LRP1B: variants seen among roughly 807,000 people sequenced by gnomAD.
LRP1B encodes the protein LDL receptor related protein 1B.
In LRP1B, 217 loss-of-function variants were observed where a neutral mutation model predicts 556.6. The ratio of observed to expected loss-of-function variants is 0.39; its 90% confidence interval spans 0.35 to 0.44. The LOEUF (loss-of-function observed/expected upper bound fraction) is 0.44, where lower values mean the gene tolerates loss of function less well. Ranked by LOEUF, LRP1B falls within the 20% of genes least tolerant of loss-of-function variation. LRP1B has a pLI of 1.00. For synonymous variants in LRP1B, 2,047 were observed against 1,865.8 expected, an observed-to-expected ratio of 1.10 and a Z score of -2.50; for missense variants, 5,053 against 5,620.8, an observed-to-expected ratio of 0.90 and a Z score of 3.23.
intron 2 of LRP1B, among the ~76,000 whole-genome samples, chr2:141,653,914 A>G (rs1433456422): frequency 6.6e-6 from 1 of 152,206 alleles, no homozygotes; most frequent in African/African-American, 2.4e-5. Context: ...TCTCTTAAGA[A>G]TCTTTGCTAC....
intron 41 of LRP1B, among the ~76,000 whole-genome samples, chr2:140,651,432 G>C (rs1684680617): frequency 6.8e-6 from 1 of 146,938 alleles, no homozygotes; most frequent in Admixed American, 6.9e-5. Flanking sequence ...CAGCGCACCA[G>C]CATGGCACAT....
chr2:141,547,583 C>A (rs752530017), intron 2 of LRP1B, among the ~76,000 whole-genome samples: 3 of 152,132 alleles, frequency 2.0e-5, no homozygotes, highest in Non-Finnish European at 4.4e-5. Context: ...CACCAGTCCA[C>A]TTTTCACTCC....
At chr2:141,511,044 G>T (rs574923392) in intron 2 of LRP1B, among the ~76,000 whole-genome samples, 2 of 152,152 alleles carry the variant, frequency 1.3e-5, no homozygotes, top group East Asian at 1.9e-4. Flanking sequence ...AGGTAATAAG[G>T]TTAGAGTAGC....
chr2:141,406,985 A>G lies in LRP1B; in HGVS notation c.343+73411T>C, dbSNP rs78730870. Among the ~76,000 whole-genome samples, 538 of 152,298 alleles carry G rather than the reference A, an allele frequency of 3.5e-3. 5 individuals are homozygous for G. Among genetic ancestry groups the G allele is most frequent in the African/African-American group, 0.013 (520 of 41,576 alleles). On this transcript the variant is annotated intron_variant, in intron 3 of 90. Transcript: ENST00000389484. Reference sequence around the variant, plus strand: ...AGATAAAGCATTTTAAGGGCATTTTAGAGAAATCTTTTTCAAAAAGGATCA... The same window carrying G: ...AGATAAAGCATTTTAAGGGCATTTTGGAGAAATCTTTTTCAAAAAGGATCA...
chr2:141,216,147 G>A (rs552361696), intron 6 of LRP1B, among the ~76,000 whole-genome samples: 5 of 152,246 alleles, frequency 3.3e-5, no homozygotes, highest in Admixed American at 3.3e-4. Flanking sequence ...CACAGCCTCA[G>A]GGCACTGCTT....
intron 7 of LRP1B, among the ~76,000 whole-genome samples, chr2:141,097,401 G>A (rs1240846793): frequency 1.3e-5 from 2 of 152,112 alleles, no homozygotes; most frequent in Non-Finnish European, 2.9e-5. Context: ...GCAAGTATCT[G>A]TGAACGGATG....
intron 31 of LRP1B, among the ~76,000 whole-genome samples, chr2:140,826,201 TAG>T (rs1192584621): frequency 2.6e-5 from 4 of 152,130 alleles, no homozygotes; most frequent in Admixed American, 2.0e-4. Flanking sequence ...AACATATATG[TAG>T]GTATACATAT....
intron 6 of LRP1B, among the ~76,000 whole-genome samples, chr2:141,219,141 T>A (rs1398748746): frequency 2.0e-5 from 3 of 152,188 alleles, no homozygotes; most frequent in Non-Finnish European, 2.9e-5. Flanking sequence ...AACTGAGAGC[T>A]GTGCAATCCA....
chr2:141,413,921 CAGAAG>C (rs1690961663), intron 3 of LRP1B, among the ~76,000 whole-genome samples: 1 of 146,738 alleles, frequency 6.8e-6, no homozygotes, highest in South Asian at 2.2e-4. Flanking sequence ...GAGAAGAGAA[CAGAAG>C]AGAAGAGAAA....
chr2:140,252,287 G>A (rs1681472264), intron 86 of LRP1B, among the ~76,000 whole-genome samples: 1 of 151,448 alleles, frequency 6.6e-6, no homozygotes, highest in African/African-American at 2.4e-5. Flanking sequence ...TTTATAACAT[G>A]CTTCAAAAAT....
intron 3 of LRP1B, 125 bp downstream of exon 3, chr2:141,480,271 T>C: frequency 9.3e-7 from 1 of 1,078,814 alleles, no homozygotes; most frequent in Non-Finnish European, 1.4e-6. Context: ...GCAGTAAAAT[T>C]CATGCTTTCT....
At chr2:141,339,621 C>T (rs968003890) in intron 3 of LRP1B, among the ~76,000 whole-genome samples, 14 of 152,138 alleles carry the variant, frequency 9.2e-5, no homozygotes, top group African/African-American at 3.4e-4. Context: ...TGATACAAGT[C>T]AGCACTCCTT....
At chr2:140,553,749 G>T (rs916960434) in intron 43 of LRP1B, among the ~76,000 whole-genome samples, 1 of 152,012 alleles carries the variant, frequency 6.6e-6, no homozygotes, top group Non-Finnish European at 1.5e-5. Context: ...GATGGTAGAG[G>T]ACCCTGGAGC....
rs765929303 is a variant in LRP1B, at chr2:140,358,823, C to T, written c.11255G>A (p.Gly3752Asp). Reference protein sequence around the residue: ...CGDNSDEDHCGGKLTYKARPC... With the variant: ...CGDNSDEDHCDGKLTYKARPC... ...TATTTCACATTAAATGCATTTACCACCACAGTGATCTTCATCTGAATTGTC... is the reference window on the plus strand; with the variant it reads ...TATTTCACATTAAATGCATTTACCATCACAGTGATCTTCATCTGAATTGTC... The change falls in exon 73 of 91, where the codon GGT becomes GAT. Residue 3752 changes from glycine (G) to aspartate (D), a missense_variant and splice_region_variant. Around this residue, in one of 5 missense-constraint regions of LRP1B, gnomAD observed 599 missense variants for 648.4 expected, o/e 0.92. Transcript: ENST00000389484. 6.8e-6 allele frequency: 11 copies of T among 1,607,426 alleles called. No homozygotes were observed. Among genetic ancestry groups the T allele is most frequent in the African/African-American group, 2.7e-5 (2 of 74,580 alleles).
intron 55 of LRP1B, among the ~76,000 whole-genome samples, chr2:140,496,185 A>C (rs1688924766): frequency 6.6e-6 from 1 of 152,144 alleles, no homozygotes; most frequent in African/African-American, 2.4e-5. Flanking sequence ...GCAGTATAGA[A>C]ATCTCTAATG....
At chr2:141,291,971 CA>C (rs570049019) in intron 3 of LRP1B, among the ~76,000 whole-genome samples, 30 of 151,164 alleles carry the variant, frequency 2.0e-4, no homozygotes, top group African/African-American at 7.3e-4. Context: ...TCCCCTATAC[CA>C]GGGGTCCCCA....
chr2:141,587,458 A>C (rs1194272595), intron 2 of LRP1B, among the ~76,000 whole-genome samples: 2 of 152,222 alleles, frequency 1.3e-5, no homozygotes, highest in African/African-American at 2.4e-5. Flanking sequence ...TGTTATGATG[A>C]AAACATTAAA....
At chr2:141,321,740 C>T (rs113979868) in intron 3 of LRP1B, among the ~76,000 whole-genome samples, 1 of 151,966 alleles carries the variant, frequency 6.6e-6, no homozygotes, top group Admixed American at 6.6e-5. Flanking sequence ...ACTTGTTTTC[C>T]ACTGGTCTTT....
chr2:141,196,916 T>C (rs1681776513), intron 6 of LRP1B, among the ~76,000 whole-genome samples: 1 of 152,102 alleles, frequency 6.6e-6, no homozygotes, highest in Non-Finnish European at 1.5e-5. Flanking sequence ...CACCCCACCT[T>C]ACAATGCAAG....
Sources: allele counts gnomAD v4.1 joint callset (sites outside exome capture counted in the v4.1 genomes callset), GRCh38; gene constraint gnomAD v4.1.1; regional missense constraint gnomAD v4.1.1; transcripts MANE v1.5; gene names NCBI Gene and HGNC (gene_info 2026-07-23, HGNC 2026-07-21).